The following ASTN2 variants were observed in gnomAD, a reference collection of about 807,000 sequenced individuals.
ASTN2 encodes the protein astrotactin-2.
A neutral mutation model predicts 139.8 loss-of-function variants in ASTN2; 54 were observed. The ratio of observed to expected loss-of-function variants is 0.39; its 90% confidence interval spans 0.31 to 0.48. The LOEUF (loss-of-function observed/expected upper bound fraction) is 0.48, where lower values mean the gene tolerates loss of function less well. Among genes scored for constraint, ASTN2 ranks in the 20% least tolerant of loss-of-function variants. The pLI is 0.95. For synonymous variants in ASTN2, 756 were observed against 719.5 expected, an observed-to-expected ratio of 1.05 and a Z score of -0.81; for missense variants, 1,565 against 1,725.1, an observed-to-expected ratio of 0.91 and a Z score of 1.64.
intron 3 of ASTN2, among the ~76,000 whole-genome samples, chr9:117,209,659 T>G (rs746518691): frequency 1.3e-5 from 2 of 151,964 alleles, no homozygotes; most frequent in Admixed American, 6.6e-5. Flanking sequence ...AGACAGAAAG[T>G]CAACAAAGAA....
chr9:117,306,520 C>T (rs1253634540), intron 1 of ASTN2, among the ~76,000 whole-genome samples: 1 of 152,180 alleles, frequency 6.6e-6, no homozygotes, highest in Non-Finnish European at 1.5e-5. Flanking sequence ...CTGAACCTCA[C>T]TTTTCTCACC....
At chr9:117,063,287 A>C (rs992719850) in intron 5 of ASTN2, among the ~76,000 whole-genome samples, 1 of 152,076 alleles carries the variant, frequency 6.6e-6, no homozygotes. Context: ...ATATGGTTTG[A>C]CTCTGTGTCC....
At chr9:117,002,528 A>G (rs1440798831) in intron 7 of ASTN2, among the ~76,000 whole-genome samples, 1 of 152,218 alleles carries the variant, frequency 6.6e-6, no homozygotes, top group East Asian at 1.9e-4. Flanking sequence ...GAATTCAGAT[A>G]CATGGATGCT....
intron 1 of ASTN2, among the ~76,000 whole-genome samples, chr9:117,302,274 A>G (rs1336483518): frequency 1.3e-5 from 2 of 152,124 alleles, no homozygotes; most frequent in Admixed American, 1.3e-4. Context: ...TTACAACAGG[A>G]AGAGAGTGTA....
chr9:117,138,616 G>A (rs1177650060), intron 4 of ASTN2, among the ~76,000 whole-genome samples: 1 of 152,160 alleles, frequency 6.6e-6, no homozygotes, highest in Non-Finnish European at 1.5e-5. Flanking sequence ...CTAAAAGATT[G>A]CTTTGGTAGT....
chr9:117,307,211 G>A (rs572952409), intron 1 of ASTN2, among the ~76,000 whole-genome samples: 3 of 152,308 alleles, frequency 2.0e-5, no homozygotes, highest in African/African-American at 7.2e-5. Flanking sequence ...ATCTGAATCT[G>A]ACAGGAAAGC....
At chr9:116,578,312 A>G (rs1285573206) in intron 19 of ASTN2, among the ~76,000 whole-genome samples, 4 of 152,140 alleles carry the variant, frequency 2.6e-5, no homozygotes, top group Admixed American at 2.6e-4. Context: ...TGTTAAAACT[A>G]GGACCCAAAC....
intron 19 of ASTN2, among the ~76,000 whole-genome samples, chr9:116,607,703 ACACACACACACACACACACACG>A (rs1430148756): frequency 7.3e-6 from 1 of 137,702 alleles, no homozygotes; most frequent in African/African-American, 2.7e-5. Flanking sequence ...ACACACACAC[ACACACACACACACACACACACG>A]CTGAAGCAGG....
intron 10 of ASTN2, among the ~76,000 whole-genome samples, chr9:116,971,531 A>T (rs1445020160): frequency 1.3e-5 from 2 of 152,172 alleles, no homozygotes; most frequent in African/African-American, 4.8e-5. Context: ...AACCATGTCC[A>T]TGTACATAAA....
chr9:117,044,453 C>T (rs1179101782), intron 5 of ASTN2, among the ~76,000 whole-genome samples: 3 of 152,048 alleles, frequency 2.0e-5, no homozygotes, highest in South Asian at 2.1e-4. Context: ...CCATGGCAAC[C>T]GGACCTGGCA....
At chr9:117,232,406 C>A (rs1832920882) in intron 2 of ASTN2, among the ~76,000 whole-genome samples, 1 of 152,186 alleles carries the variant, frequency 6.6e-6, no homozygotes, top group Non-Finnish European at 1.5e-5. Flanking sequence ...TCTTTCCCTT[C>A]ATTGCTTCTT....
At chr9:116,660,233 G>A (rs1858482520) in intron 16 of ASTN2, among the ~76,000 whole-genome samples, 1 of 151,676 alleles carries the variant, frequency 6.6e-6, no homozygotes, top group African/African-American at 2.4e-5. Flanking sequence ...AAGCAACAGT[G>A]GAGATTCCAA....
chr9:116,655,301 C>A (rs1222365429), intron 16 of ASTN2, among the ~76,000 whole-genome samples: 3 of 152,226 alleles, frequency 2.0e-5, no homozygotes, highest in African/African-American at 7.2e-5. Context: ...TTCAACCTTA[C>A]CCTGTGGCTA....
At chr9:116,705,374 T>A (rs1156480334) in intron 16 of ASTN2, among the ~76,000 whole-genome samples, 1 of 152,180 alleles carries the variant, frequency 6.6e-6, no homozygotes, top group Non-Finnish European at 1.5e-5. Flanking sequence ...GTCTAACCCC[T>A]GCAACCGCAA....
intron 10 of ASTN2, among the ~76,000 whole-genome samples, chr9:116,887,705 C>T (rs1208564520): frequency 7.1e-6 from 1 of 141,742 alleles, no homozygotes; most frequent in Non-Finnish European, 1.5e-5. Flanking sequence ...TCTCACTCTG[C>T]CACCCAGGGT....
chr9:116,858,864 T>C (rs1832806652), intron 11 of ASTN2, among the ~76,000 whole-genome samples: 1 of 152,216 alleles, frequency 6.6e-6, no homozygotes, highest in African/African-American at 2.4e-5. Flanking sequence ...CAGTATTTTA[T>C]TGCTATTGTA....
chr9:116,598,238 A>T (rs1406488891), intron 19 of ASTN2, among the ~76,000 whole-genome samples: 1 of 152,218 alleles, frequency 6.6e-6, no homozygotes, highest in Non-Finnish European at 1.5e-5. Flanking sequence ...GGAAGTTAAA[A>T]GGAAGTTTAT....
chr9:117,393,530 GAA>G, intron 1 of ASTN2, among the ~76,000 whole-genome samples: 1 of 152,296 alleles, frequency 6.6e-6, no homozygotes, highest in South Asian at 2.1e-4. Context: ...ATGGGGAGGA[GAA>G]AAGAGAGGAG....
At chr9:116,970,931 T>G (rs1836178229) in intron 10 of ASTN2, among the ~76,000 whole-genome samples, 4 of 152,218 alleles carry the variant, frequency 2.6e-5, no homozygotes, top group Admixed American at 2.6e-4. Flanking sequence ...CAGGTGAAAT[T>G]GTGAAGAAGG....
Sources: gnomAD v4.1 joint callset for allele counts (sites outside exome capture counted in the v4.1 genomes callset) on GRCh38, gnomAD v4.1.1 for gene constraint, MANE v1.5 for transcripts, NCBI Gene and HGNC (gene_info 2026-07-23, HGNC 2026-07-21) for gene names.